VIT: variants seen among roughly 807,000 people sequenced by gnomAD.
VIT encodes vitrin.
VIT carries 99 observed loss-of-function variants against 78.0 expected under a neutral mutation model. The observed-to-expected ratio is 1.27, with a 90% confidence interval of 1.08 to 1.50. The LOEUF (loss-of-function observed/expected upper bound fraction) is 1.50. VIT is among the 40% of genes most tolerant of loss of function. The probability of loss-of-function intolerance (pLI) is 0.00; values close to 1 mark genes in which losing one functional copy is unlikely to be tolerated. For synonymous variants in VIT, 374 were observed against 334.3 expected, an observed-to-expected ratio of 1.12 and a Z score of -1.29; for missense variants, 1,126 against 875.3, an observed-to-expected ratio of 1.29 and a Z score of -3.61.
Position 36,801,432 on chromosome 2 carries a change from A to G in VIT, c.1162+28A>G, listed in dbSNP as rs562358995. The G allele has an allele frequency of 8.4e-6, 13 of 1,541,782 alleles. No individual in the cohort carries two copies. In the African/African-American group the frequency reaches 1.4e-4, roughly 16 times the overall value. ...ATGTGATCCGGATTCAAATTATACT[A>G]TCTTGCTACCATCGTTCTCTTTCTA... On this transcript the variant is annotated intron_variant, in intron 13 of 15. Coordinates refer to ENST00000379242, the MANE Select transcript of VIT (RefSeq NM_053276.4).
At chr2:36,712,200 G>A (rs1665844610) in intron 1 of VIT, among the ~76,000 whole-genome samples, 1 of 152,116 alleles carries the variant, frequency 6.6e-6, no homozygotes, top group Non-Finnish European at 1.5e-5. Context: ...AAGTGCTTGA[G>A]TAAACAGACC....
intron 11 of VIT, among the ~76,000 whole-genome samples, 192 bp from the exon 12 acceptor site, chr2:36,786,937 T>C (rs959028623): frequency 1.3e-5 from 2 of 152,214 alleles, no homozygotes; most frequent in African/African-American, 2.4e-5. Context: ...AGGACTAGCC[T>C]AAGTGTCCAA....
intron 4 of VIT, among the ~76,000 whole-genome samples, chr2:36,753,176 G>A (rs1443831508): frequency 1.4e-5 from 2 of 147,274 alleles, no homozygotes; most frequent in African/African-American, 5.1e-5. Flanking sequence ...GGAAACATGA[G>A]TTGGGGAGCA....
chr2:36,724,220 T>C (rs1573154515), intron 2 of VIT, among the ~76,000 whole-genome samples: 2 of 152,124 alleles, frequency 1.3e-5, no homozygotes, highest in Admixed American at 6.5e-5. Flanking sequence ...GGTTTCACCA[T>C]GTTGGCCAGA....
chr2:36,759,118 G>A lies in VIT; in HGVS notation c.487+72G>A, dbSNP rs61738664. 3.0e-3 allele frequency: 4,828 copies of A among 1,614,044 alleles called. 19 individuals are homozygous for A. Among genetic ancestry groups the A allele is most frequent in the African/African-American group, 0.017 (1,250 of 75,020 alleles). On this transcript the variant is annotated intron_variant, in intron 6 of 15. Coordinates refer to ENST00000379242, the MANE Select transcript of VIT (RefSeq NM_053276.4). ...CACGCGACGTGTTTTGGGAGATAGC[G>A]GAGAAATTAACATCTTAACCGGTCA...
chr2:36,708,781 CT>C (rs1665614611), intron 1 of VIT, among the ~76,000 whole-genome samples: 1 of 152,182 alleles, frequency 6.6e-6, no homozygotes, highest in African/African-American at 2.4e-5. Flanking sequence ...CCCATCCACC[CT>C]TTTGCCATCA....
intron 8 of VIT, 43 bp downstream of exon 8, chr2:36,773,890 G>C: frequency 2.6e-6 from 4 of 1,562,644 alleles, no homozygotes; most frequent in Non-Finnish European, 3.5e-6. Flanking sequence ...TGAAAGTTAA[G>C]CTTGTTTACA....
intron 15 of VIT, among the ~76,000 whole-genome samples, chr2:36,813,154 TA>T (rs1201844710): frequency 6.7e-6 from 1 of 149,810 alleles, no homozygotes; most frequent in Non-Finnish European, 1.5e-5. Flanking sequence ...TTTGCTTTTT[TA>T]AAAATCCAAT....
At chr2:36,763,267 G>A (rs1669228479) in intron 6 of VIT, among the ~76,000 whole-genome samples, 1 of 152,150 alleles carries the variant, frequency 6.6e-6, no homozygotes, top group African/African-American at 2.4e-5. Context: ...TGAGCCAGGT[G>A]TGGGGAGTGG....
At chr2:36,732,946 A>C (rs927594246) in intron 3 of VIT, among the ~76,000 whole-genome samples, 5 of 152,200 alleles carry the variant, frequency 3.3e-5, no homozygotes, top group African/African-American at 1.2e-4. Context: ...CAAGGCCTGA[A>C]GGGTAGAAAA....
At chr2:36,796,477 G>A (rs1355329220) in intron 12 of VIT, among the ~76,000 whole-genome samples, 1 of 152,198 alleles carries the variant, frequency 6.6e-6, no homozygotes, top group Non-Finnish European at 1.5e-5. Flanking sequence ...AGACTCAGCT[G>A]TGTATGTGGT....
chr2:36,763,847 C>G (rs530380238), intron 6 of VIT, among the ~76,000 whole-genome samples: 1 of 152,060 alleles, frequency 6.6e-6, no homozygotes, highest in Admixed American at 6.6e-5. Flanking sequence ...TCTCGGCCCC[C>G]GCAAGTGCTA....
At chr2:36,704,465 T>C (rs951098566) in intron 1 of VIT, among the ~76,000 whole-genome samples, 8 of 152,152 alleles carry the variant, frequency 5.3e-5, no homozygotes, top group Non-Finnish European at 8.8e-5. Context: ...AACAGGCCGC[T>C]ATATATCCAG....
chr2:36,782,238 GGAA>G (rs749976128), intron 10 of VIT, among the ~76,000 whole-genome samples: 53 of 152,164 alleles, frequency 3.5e-4, no homozygotes, highest in Non-Finnish European at 6.9e-4. Flanking sequence ...TACTGGTAGG[GGAA>G]GAAGGAGGTG....
chr2:36,778,247 C>T (rs987297167), intron 9 of VIT, among the ~76,000 whole-genome samples: 3 of 152,228 alleles, frequency 2.0e-5, no homozygotes, highest in Admixed American at 2.0e-4. Context: ...AGGCCCCACA[C>T]TCTCCTACTC....
intron 14 of VIT, 92 bp downstream of exon 14, chr2:36,805,756 A>G (rs1666675762): frequency 7.4e-7 from 1 of 1,351,654 alleles, no homozygotes; most frequent in South Asian, 1.4e-5. Context: ...CATGCCTTTA[A>G]ATGTGCATGA....
rs1669971726 is a variant in VIT at position 36,775,068 on chromosome 2, G to A, written c.802+1G>A. ...CCTGTTGGAGCGGATGTCAGCCTGG[G>A]TAAGCTGCCCACTGCTTACCATCTC... On this transcript the variant is annotated splice_donor_variant, in intron 9 of 15. Transcript: ENST00000379242. LOFTEE classifies it high-confidence loss of function. 1.2e-6 allele frequency: 2 copies of A among 1,613,792 alleles called. No homozygotes were observed. The highest frequency in any genetic ancestry group is 1.7e-5 in the Admixed American group (1 of 60,012).
intron 1 of VIT, among the ~76,000 whole-genome samples, chr2:36,702,395 A>T (rs1861394): frequency 0.84 from 127,034 of 151,730 alleles, 53,778 homozygotes; most frequent in Middle Eastern, 0.95. Context: ...TGTCAGGCCA[A>T]GCTCAGAGGA....
chr2:36,750,634 A>T (rs1459253011), intron 4 of VIT, among the ~76,000 whole-genome samples: 1 of 152,042 alleles, frequency 6.6e-6, no homozygotes, highest in African/African-American at 2.4e-5. Flanking sequence ...CAGCCTGGCC[A>T]ACATGGTGAA....
Sources: gnomAD v4.1 joint callset for allele counts (sites outside exome capture counted in the v4.1 genomes callset) on GRCh38, gnomAD v4.1.1 for gene constraint, MANE v1.5 for transcripts, NCBI Gene and HGNC (gene_info 2026-07-23, HGNC 2026-07-21) for gene names.